The following GADL1 variants were observed in gnomAD, a reference collection of about 807,000 sequenced individuals.
GADL1 encodes acidic amino acid decarboxylase GADL1.
In GADL1, 71 loss-of-function variants were observed where a neutral mutation model predicts 69.5. The observed-to-expected ratio is 1.02, with a 90% CI of 0.84 to 1.25. GADL1 has a LOEUF of 1.25. Ranked by LOEUF, GADL1 falls within the 50% of genes most tolerant of loss-of-function variation. GADL1 has a pLI of 0.00. For synonymous variants in GADL1, 254 were observed against 214.4 expected, an observed-to-expected ratio of 1.18 and a Z score of -1.62; for missense variants, 737 against 631.8, an observed-to-expected ratio of 1.17 and a Z score of -1.79.
chr3:30,751,782 C>T (rs1220998361), intron 14 of GADL1, among the ~76,000 whole-genome samples: 2 of 146,352 alleles, frequency 1.4e-5, no homozygotes, highest in Non-Finnish European at 3.1e-5. Flanking sequence ...CTCGCCATTT[C>T]ATGGCTCATA....
At chr3:30,819,055 A>G (rs1185065610) in intron 11 of GADL1, among the ~76,000 whole-genome samples, 1 of 152,164 alleles carries the variant, frequency 6.6e-6, no homozygotes, top group East Asian at 1.9e-4. Context: ...ATAAAAGGCC[A>G]TCTCTAGTTT....
rs75273191 is a variant in GADL1 at position 30,819,235 on chromosome 3, A to G, written c.1050+14618T>C. 7.4e-3 allele frequency among the ~76,000 whole-genome samples: 1,129 copies of G among 152,054 alleles called. 15 individuals carry two copies. The highest frequency in any genetic ancestry group is 0.026 in the African/African-American group (1,079 of 41,474). ...TATACTTAAGAATTGCTTTCTCTTC[A>G]GAGAGTCCTCTTCCCTCCCCAACTC... is the stretch of plus-strand genomic sequence containing the variant. On this transcript the variant is annotated intron_variant, in intron 11 of 14. Coordinates refer to ENST00000282538, the MANE Select transcript of GADL1 (RefSeq NM_207359.3).
rs550461033 is a variant in GADL1 at position 30,827,994 on chromosome 3, T to A, written c.1050+5859A>T. ...GCTGTCATTCTAAAGAAATTTATAA[T>A]GTACCTGTACAGAAAAAGTGTGAGT... On this transcript the variant is annotated intron_variant, in intron 11 of 14. Coordinates refer to ENST00000282538, the MANE Select transcript of GADL1 (RefSeq NM_207359.3). Among the ~76,000 whole-genome samples, 69 of 152,020 alleles carry A rather than the reference T, an allele frequency of 4.5e-4. 1 individual carries two copies. Among genetic ancestry groups the A allele is most frequent in the African/African-American group, 1.6e-3 (68 of 41,520 alleles).
chr3:30,848,480 A>G (rs2125530866), intron 6 of GADL1, among the ~76,000 whole-genome samples: 1 of 152,320 alleles, frequency 6.6e-6, no homozygotes, highest in South Asian at 2.1e-4. Context: ...AGATACAGGA[A>G]AGCCTAGCTG....
At chr3:30,876,137 G>C (rs1009462949) in intron 1 of GADL1, among the ~76,000 whole-genome samples, 1 of 151,900 alleles carries the variant, frequency 6.6e-6, no homozygotes, top group African/African-American at 2.4e-5. Flanking sequence ...ATATGTTACT[G>C]TATTTAATCT....
chr3:30,808,513 G>A (rs964591229), intron 11 of GADL1, among the ~76,000 whole-genome samples: 3 of 126,180 alleles, frequency 2.4e-5, no homozygotes, highest in Non-Finnish European at 5.0e-5. Flanking sequence ...AAAAAAAAAT[G>A]AGGATATCAT....
intron 14 of GADL1, among the ~76,000 whole-genome samples, chr3:30,762,676 T>C (rs1696167258): frequency 6.6e-6 from 1 of 152,206 alleles, no homozygotes; most frequent in African/African-American, 2.4e-5. Context: ...ATAGTCACTC[T>C]ATTGTGCAGT....
At chr3:30,734,647 A>G (rs1174481693) in intron 14 of GADL1, among the ~76,000 whole-genome samples, 3 of 152,210 alleles carry the variant, frequency 2.0e-5, no homozygotes, top group Admixed American at 2.0e-4. Context: ...TTAGCTTTAC[A>G]TCTTTAAAAT....
intron 11 of GADL1, among the ~76,000 whole-genome samples, chr3:30,817,203 C>A (rs923287499): frequency 2.0e-5 from 3 of 152,180 alleles, no homozygotes; most frequent in African/African-American, 7.2e-5. Context: ...ATGTAAGTGA[C>A]AACCTTTCTC....
intron 14 of GADL1, among the ~76,000 whole-genome samples, chr3:30,754,984 A>G (rs1695934010): frequency 1.3e-5 from 2 of 152,012 alleles, no homozygotes; most frequent in South Asian, 2.1e-4. Context: ...AAAACGGGGG[A>G]GCACTTTAGC....
At position 30,758,895 on chromosome 3, in the gene GADL1, A is replaced by AT. The variant is rs369098361; in HGVS notation, c.1392+19283dup. ...GAGCTTCCAGTGGAATATATAGGGG[A>AT]TTTGAGTCAACATTTGATCTCCTTC... On this transcript the variant is annotated intron_variant, in intron 14 of 14. Coordinates refer to ENST00000282538, the MANE Select transcript of GADL1 (RefSeq NM_207359.3). 2.1e-3 allele frequency among the ~76,000 whole-genome samples: 314 copies of AT among 152,180 alleles called. 2 individuals carry two copies. Among genetic ancestry groups the AT allele is most frequent in the African/African-American group, 7.2e-3 (297 of 41,538 alleles).
intron 9 of GADL1, among the ~76,000 whole-genome samples, chr3:30,836,969 A>T (rs1005789032): frequency 6.6e-6 from 1 of 152,146 alleles, no homozygotes; most frequent in African/African-American, 2.4e-5. Context: ...ACAGTATCAA[A>T]TGTAAGCACC....
Position 30,726,808 on chromosome 3 carries a change from A to G in GADL1, c.*1434T>C, listed in dbSNP as rs1030576519. ...TATGAATTCTGTCAATTTCTTAGTT[A>G]AACAAAACTCTCCTAGAAACCTAGG... On this transcript the variant is annotated 3_prime_UTR_variant, in exon 15 of 15. Transcript: ENST00000282538. 1.3e-5 allele frequency: 2 copies of G among 152,354 alleles called. No individual in the cohort carries two copies. Among genetic ancestry groups the G allele is most frequent in the African/African-American group, 2.4e-5 (1 of 41,426 alleles). 9.4% of individuals were successfully genotyped at this position (152,354 alleles called of 1,614,324 possible). A position where few individuals can be genotyped will look rare whatever the true frequency, so the allele number is the denominator to read the frequency against.
intron 11 of GADL1, among the ~76,000 whole-genome samples, chr3:30,815,540 T>G (rs1697452102): frequency 6.6e-6 from 1 of 152,148 alleles, no homozygotes; most frequent in South Asian, 2.1e-4. Context: ...ATCTACAGAA[T>G]TTCTGTACAA....
intron 1 of GADL1, among the ~76,000 whole-genome samples, chr3:30,864,658 G>A (rs984714125): frequency 1.3e-5 from 2 of 152,060 alleles, no homozygotes; most frequent in African/African-American, 2.4e-5. Context: ...GCCCTCTGGA[G>A]ACTCTAGAAT....
intron 1 of GADL1, among the ~76,000 whole-genome samples, chr3:30,863,017 C>T (rs1698343215): frequency 6.8e-6 from 1 of 145,996 alleles, no homozygotes. Context: ...AACATAAGCC[C>T]ATGTCTGTTT....
At chr3:30,779,336 T>TTG (rs1323666885) in intron 13 of GADL1, among the ~76,000 whole-genome samples, 1 of 152,242 alleles carries the variant, frequency 6.6e-6, no homozygotes, top group Non-Finnish European at 1.5e-5. Context: ...CATAAACAGT[T>TTG]TGTAATAACC....
At chr3:30,887,214 G>C (rs544606566) in intron 1 of GADL1, among the ~76,000 whole-genome samples, 1 of 152,140 alleles carries the variant, frequency 6.6e-6, no homozygotes, top group South Asian at 2.1e-4. Context: ...ACACACTAGG[G>C]TTGTACAAAC....
At chr3:30,777,258 A>G (rs965347011) in intron 14 of GADL1, among the ~76,000 whole-genome samples, 18 of 152,164 alleles carry the variant, frequency 1.2e-4, no homozygotes, top group African/African-American at 4.3e-4. Flanking sequence ...TTTTAAAAAA[A>G]AAACGTTTTC....
Sources: gnomAD v4.1 joint callset for allele counts (sites outside exome capture counted in the v4.1 genomes callset) on GRCh38, gnomAD v4.1.1 for gene constraint, MANE v1.5 for transcripts, NCBI Gene and HGNC (gene_info 2026-07-23, HGNC 2026-07-21) for gene names.